CCDC178: variants seen among roughly 807,000 people sequenced by gnomAD.
CCDC178 encodes coiled-coil domain containing 178.
Under a neutral mutation model 117.4 loss-of-function variants are expected in CCDC178, and 126 were observed. The ratio of observed to expected loss-of-function variants is 1.07; its 90% CI spans 0.93 to 1.24. CCDC178 has a LOEUF of 1.24. CCDC178 is among the 50% of genes most tolerant of loss of function. The pLI, the probability that CCDC178 is intolerant of heterozygous loss-of-function variation, is 0.00. For missense variants in CCDC178, 1,030 were observed against 986.9 expected (o/e 1.04, Z -0.59); for synonymous variants, 283 against 313.4 (o/e 0.90, Z 1.02).
At chr18:33,096,661 A>G (rs1391358454) in intron 20 of CCDC178, among the ~76,000 whole-genome samples, 1 of 152,050 alleles carries the variant, frequency 6.6e-6, no homozygotes, top group Non-Finnish European at 1.5e-5. Context: ...ATGGAAGCAA[A>G]AATGAAATAA....
intron 3 of CCDC178, among the ~76,000 whole-genome samples, chr18:33,401,567 T>A (rs981874864): frequency 6.6e-6 from 1 of 152,170 alleles, no homozygotes; most frequent in African/African-American, 2.4e-5. Flanking sequence ...AGTAAACAAA[T>A]TTTCTAATGT....
intron 20 of CCDC178, among the ~76,000 whole-genome samples, chr18:33,161,732 T>C (rs1314613327): frequency 6.6e-6 from 1 of 152,202 alleles, no homozygotes; most frequent in Non-Finnish European, 1.5e-5. Context: ...TCCATGTCCC[T>C]ACACAGGACA....
In CCDC178 at chr18:33,300,002, A is replaced by G. The variant is rs138317300; in HGVS notation, c.1023-6690T>C. On this transcript the variant is annotated intron_variant, in intron 11 of 22. Transcript: ENST00000383096. Reference sequence around the variant, plus strand: ...ATCTCATGCTGAGCCGTAATCCCCAATGTTTAAGGTGGGGCATGATGGGAG... The same window carrying G: ...ATCTCATGCTGAGCCGTAATCCCCAGTGTTTAAGGTGGGGCATGATGGGAG... Among the ~76,000 whole-genome samples the G allele has an allele frequency of 1.5e-3, 223 of 152,316 alleles. 1 individual carries two copies. The highest frequency in any genetic ancestry group is 3.5e-3 in the African/African-American group (145 of 41,572).
At chr18:33,172,098 C>T (rs934070806) in intron 20 of CCDC178, among the ~76,000 whole-genome samples, 1 of 152,046 alleles carries the variant, frequency 6.6e-6, no homozygotes, top group African/African-American at 2.4e-5. Context: ...TTAGTAGAGG[C>T]GAGGTTTCAC....
At chr18:33,353,834 C>A (rs2063012997) in intron 7 of CCDC178, among the ~76,000 whole-genome samples, 1 of 152,000 alleles carries the variant, frequency 6.6e-6, no homozygotes, top group African/African-American at 2.4e-5. Context: ...AACAAAAATA[C>A]ACTTATACTG....
chr18:33,373,345 T>C (rs1220032563), intron 5 of CCDC178, among the ~76,000 whole-genome samples: 3 of 152,092 alleles, frequency 2.0e-5, no homozygotes, highest in African/African-American at 7.2e-5. Flanking sequence ...TTTTCTTCTC[T>C]TCAAAATCTA....
intron 21 of CCDC178, among the ~76,000 whole-genome samples, chr18:33,015,842 T>C (rs1023515305): frequency 6.6e-6 from 1 of 152,086 alleles, no homozygotes; most frequent in African/African-American, 2.4e-5. Context: ...AGTTAAAAAG[T>C]ATAATGACTA....
intron 21 of CCDC178, among the ~76,000 whole-genome samples, chr18:32,994,790 ACCAAGCAAAAGAGAATT>A (rs2055470103): frequency 6.6e-6 from 1 of 152,204 alleles, no homozygotes; most frequent in South Asian, 2.1e-4. Flanking sequence ...ATTAGCTTGT[ACCAAGCAAAAGAGAATT>A]CAATGATGAT....
intron 21 of CCDC178, among the ~76,000 whole-genome samples, chr18:33,041,465 A>G (rs1194394239): frequency 6.6e-6 from 1 of 150,842 alleles, no homozygotes. Flanking sequence ...CTAATGATAT[A>G]TTAAAAATAA....
At position 33,045,689 on chromosome 18, in the gene CCDC178, T is replaced by C. The variant is rs561120130; in HGVS notation, c.2388+47072A>G. On this transcript the variant is annotated intron_variant, in intron 21 of 22. Transcript: ENST00000383096. Reference sequence around the variant, plus strand: ...ATTAGATTATTCTCATTTCCTCTAATGAAAATGCATGCATTACTTTCACTT... The same window carrying C: ...ATTAGATTATTCTCATTTCCTCTAACGAAAATGCATGCATTACTTTCACTT... 2.0e-5 allele frequency among the ~76,000 whole-genome samples: 3 copies of C among 152,314 alleles called. No individual in the cohort carries two copies. The South Asian group carries it at 6.2e-4, about 32-fold the overall frequency.
intron 20 of CCDC178, among the ~76,000 whole-genome samples, chr18:33,178,274 C>A (rs2058687337): frequency 1.3e-5 from 2 of 152,140 alleles, no homozygotes; most frequent in Admixed American, 1.3e-4. Flanking sequence ...TCCTCTGTCC[C>A]ACCAGTTCCC....
chr18:33,378,225 C>T (rs1309207516), intron 5 of CCDC178, among the ~76,000 whole-genome samples: 1 of 152,146 alleles, frequency 6.6e-6, no homozygotes, highest in East Asian at 1.9e-4. Flanking sequence ...GAACTGCATT[C>T]TTGATTTGGC....
intron 18 of CCDC178, among the ~76,000 whole-genome samples, chr18:33,218,631 A>G (rs2059195977): frequency 6.6e-6 from 1 of 152,072 alleles, no homozygotes; most frequent in African/African-American, 2.4e-5. Flanking sequence ...TTTTTGTATA[A>G]GGTATAAGGA....
At chr18:33,049,276 A>C (rs2056700924) in intron 21 of CCDC178, among the ~76,000 whole-genome samples, 7 of 152,260 alleles carry the variant, frequency 4.6e-5, no homozygotes, top group Admixed American at 3.3e-4. Flanking sequence ...AATAACTTAT[A>C]AAGATGTTAA....
chr18:33,060,370 C>A (rs1301705621), intron 21 of CCDC178, among the ~76,000 whole-genome samples: 1 of 151,920 alleles, frequency 6.6e-6, no homozygotes, highest in Non-Finnish European at 1.5e-5. Context: ...GAGGAAACTC[C>A]ATTGCTAATG....
chr18:33,089,154 T>C (rs1242152731), intron 21 of CCDC178, among the ~76,000 whole-genome samples: 3 of 152,094 alleles, frequency 2.0e-5, no homozygotes, highest in Non-Finnish European at 4.4e-5. Flanking sequence ...GTGAATCAAA[T>C]AATCTATTTC....
chr18:33,133,124 A>G (rs2058085936), intron 20 of CCDC178, among the ~76,000 whole-genome samples: 1 of 151,856 alleles, frequency 6.6e-6, no homozygotes, highest in South Asian at 2.1e-4. Flanking sequence ...CACTGAGAAG[A>G]AGGAGTTTTG....
At chr18:33,393,000 T>C (rs1033518239) in intron 4 of CCDC178, among the ~76,000 whole-genome samples, 5 of 152,210 alleles carry the variant, frequency 3.3e-5, no homozygotes, top group African/African-American at 7.2e-5. Flanking sequence ...CTTGCCCCCA[T>C]GGTAATCCAG....
At chr18:33,356,394 A>G (rs1426361064) in intron 6 of CCDC178, 48 bp from the exon 7 acceptor site, 1 of 1,410,544 alleles carries the variant, frequency 7.1e-7, no homozygotes, top group Non-Finnish European at 9.5e-7. Flanking sequence ...AAACATATTA[A>G]AAAACTGAAT....
Sources: allele counts gnomAD v4.1 joint callset (sites outside exome capture counted in the v4.1 genomes callset), GRCh38; gene constraint gnomAD v4.1.1; transcripts MANE v1.5; gene names NCBI Gene and HGNC (gene_info 2026-07-23, HGNC 2026-07-21).